Variants in CDR2 observed in about 807,000 individuals in gnomAD.
The protein encoded by CDR2 is cerebellar degeneration-related protein 2.
In CDR2, 34 loss-of-function variants were observed where a neutral mutation model predicts 48.4. The ratio of observed to expected loss-of-function variants is 0.70; its 90% CI spans 0.53 to 0.94. CDR2 has a LOEUF of 0.94. Among genes scored for constraint, CDR2 ranks in the 40% least tolerant of loss-of-function variants. CDR2 has a pLI of 0.00. For missense variants in CDR2, 498 were observed against 549.5 expected, an observed-to-expected ratio of 0.91 and a Z score of 0.94; for synonymous variants, 240 against 219.7, an observed-to-expected ratio of 1.09 and a Z score of -0.82.
Position 22,347,493 on chromosome 16 carries a change from C to T in CDR2, c.837G>A (p.Leu279=). The part of the protein sequence containing the change: ...NGVEKLVPDS[L]YVPFKEPSQS... ...GGCTGGGCTCTTTGAAAGGAACATA[C>T]AGAGAGTCTGGCACCAGCTTCTCAA... Residue 279 remains leucine (L), a synonymous_variant, in exon 5 of 5, where the codon CTG becomes CTA. Coordinates refer to ENST00000268383, the MANE Select transcript of CDR2 (RefSeq NM_001802.2). 2.5e-6 allele frequency: 4 copies of T among 1,614,104 alleles called. No homozygotes were observed. The highest frequency in any genetic ancestry group is 3.4e-6 in the Non-Finnish European group (4 of 1,180,040).
chr16:22,352,145 A>G (rs1021405160), intron 2 of CDR2, among the ~76,000 whole-genome samples: 5 of 152,192 alleles, frequency 3.3e-5, no homozygotes, highest in Admixed American at 6.5e-5. Context: ...CCACGTACTC[A>G]GGAGGCTGAG....
intron 2 of CDR2, among the ~76,000 whole-genome samples, chr16:22,351,524 GA>G (rs912112833): frequency 2.0e-5 from 3 of 149,660 alleles, no homozygotes; most frequent in South Asian, 2.1e-4. Flanking sequence ...TCTTAATTTG[GA>G]AAAAAAAATC....
At chr16:22,373,163 C>A (rs1030532458) in intron 1 of CDR2, among the ~76,000 whole-genome samples, 1 of 152,098 alleles carries the variant, frequency 6.6e-6, no homozygotes, top group Non-Finnish European at 1.5e-5. Context: ...CAGTGTTAGG[C>A]ACATAAAAAG....
At chr16:22,353,447 A>G (rs2141845205) in intron 2 of CDR2, among the ~76,000 whole-genome samples, 1 of 152,336 alleles carries the variant, frequency 6.6e-6, no homozygotes, top group East Asian at 1.9e-4. Flanking sequence ...CAACTACTTC[A>G]TAAGGCTGTA....
At chr16:22,356,745 C>G (rs958001934) in intron 2 of CDR2, among the ~76,000 whole-genome samples, 16 of 151,636 alleles carry the variant, frequency 1.1e-4, no homozygotes, top group African/African-American at 3.6e-4. Flanking sequence ...AAGAGCAAGA[C>G]TTTGTCTAAA....
intron 2 of CDR2, among the ~76,000 whole-genome samples, chr16:22,354,660 G>T (rs1425965528): frequency 2.0e-5 from 3 of 151,950 alleles, no homozygotes; most frequent in African/African-American, 7.3e-5. Flanking sequence ...GGCCAAGGCG[G>T]GTGGATCACT....
chr16:22,359,963 A>G (rs2049000699), intron 2 of CDR2, among the ~76,000 whole-genome samples: 1 of 152,262 alleles, frequency 6.6e-6, no homozygotes, highest in South Asian at 2.1e-4. Context: ...TATGCAGTAG[A>G]ATATTGATAC....
chr16:22,371,937 T>C (rs1254347103), intron 1 of CDR2, among the ~76,000 whole-genome samples: 1 of 151,940 alleles, frequency 6.6e-6, no homozygotes, highest in Non-Finnish European at 1.5e-5. Flanking sequence ...AATAGCACGA[T>C]CTCAGCTCAC....
At position 22,364,983 on chromosome 16, in the gene CDR2, T is replaced by C. The variant is rs751080644; in HGVS notation, c.111A>G (p.Thr37=). ...CCAACTCTGTGTTCCGATCCAGTAA[T>C]GTCTTCCCAAGCTCAGCAGCAAGTT... ...DLQLAAELGK[T]LLDRNTELED... The change falls in exon 2 of 5, where the codon ACA becomes ACG. Residue 37 remains threonine, a synonymous_variant. Coordinates refer to ENST00000268383, the MANE Select transcript of CDR2 (RefSeq NM_001802.2). The C allele has an allele frequency of 2.5e-6, 4 of 1,613,284 alleles. No individual in the cohort carries two copies. Among genetic ancestry groups the C allele is most frequent in the Admixed American group, 1.7e-5 (1 of 59,998 alleles).
In CDR2 at chr16:22,349,818, TG is replaced by T. The variant is rs781339414; in HGVS notation, c.223del (p.Gln75ArgfsTer2). The T allele has an allele frequency of 6.2e-7, 1 of 1,614,186 alleles. No individual in the cohort carries two copies. The highest frequency in any genetic ancestry group is 8.5e-7 in the Non-Finnish European group (1 of 1,179,986). ...AACCTTTGCATGTTGTTCGTTCATCTGCCGTAGAAGTTCCACTTGCTTCGTC... is the reference window on the plus strand; with the variant it reads ...AACCTTTGCATGTTGTTCGTTCATCTCCGTAGAAGTTCCACTTGCTTCGTC... The part of the protein sequence containing the change: ...YLTKQVELLR[Q>X]MNEQHAKVYE... On this transcript the variant is annotated frameshift_variant, in exon 3 of 5. Transcript: ENST00000268383. LOFTEE classifies it high-confidence loss of function.
At chr16:22,367,253 T>C in intron 1 of CDR2, 1 of 152,272 alleles carries the variant, frequency 6.6e-6, no homozygotes, top group Non-Finnish European at 1.5e-5. Flanking sequence ...ATCTCAAACT[T>C]CTGGCCTCAA....
intron 2 of CDR2, among the ~76,000 whole-genome samples, chr16:22,360,287 A>C (rs1259411127): frequency 6.6e-6 from 1 of 152,184 alleles, no homozygotes; most frequent in Non-Finnish European, 1.5e-5. Context: ...AAGTTTTTCA[A>C]ATTAGCACTG....
chr16:22,349,385 C>G lies in CDR2; in HGVS notation c.400G>C (p.Glu134Gln). 6.2e-7 allele frequency: 1 copy of G among 1,614,146 alleles called. No individual in the cohort carries two copies. The highest frequency in any genetic ancestry group is 8.5e-7 in the Non-Finnish European group (1 of 1,180,022). ...CCTTGGCCAGATGACTTCAGCTCCT[C>G]CACTTGGCTCTGGAGGTGATCAATG... ...TNIDHLQSQV[E>Q]ELKSSGQGRR... The change falls in exon 4 of 5, where the codon GAG becomes CAG. Residue 134 changes from glutamate (E) to glutamine (Q), a missense_variant. Coordinates refer to ENST00000268383, the MANE Select transcript of CDR2 (RefSeq NM_001802.2).
chr16:22,364,797 T>TAAA, intron 2 of CDR2, 105 bp downstream of exon 2: 1 of 641,240 alleles, frequency 1.6e-6, no homozygotes. Context: ...TGTTAAAAAA[T>TAAA]AAAATGCTGC....
chr16:22,358,806 C>T (rs1462856678), intron 2 of CDR2, among the ~76,000 whole-genome samples: 1 of 152,048 alleles, frequency 6.6e-6, no homozygotes, highest in African/African-American at 2.4e-5. Flanking sequence ...AAATAGAAAC[C>T]ACCTATAATC....
At chr16:22,349,912 G>A (rs2048931297) in intron 2 of CDR2, 63 bp from the exon 3 acceptor site, 1 of 1,511,936 alleles carries the variant, frequency 6.6e-7, no homozygotes, top group African/African-American at 1.4e-5. Flanking sequence ...TTCTTGGCTG[G>A]CTGCGGTGGC....
At chr16:22,373,660 T>C (rs1401506355) in intron 1 of CDR2, among the ~76,000 whole-genome samples, 1 of 152,264 alleles carries the variant, frequency 6.6e-6, no homozygotes, top group Non-Finnish European at 1.5e-5. Context: ...TCACACTGCG[T>C]GCCTGTATCC....
Position 22,374,285 on chromosome 16 carries a change from C to T in CDR2, c.25G>A (p.Glu9Lys). 1.2e-6 allele frequency: 2 copies of T among 1,602,626 alleles called. No individual in the cohort carries two copies. Among genetic ancestry groups the T allele is most frequent in the South Asian group, 1.1e-5 (1 of 89,606 alleles). ...GGCTCGTCCTCCTTCATCTCAAACT[C>T]CTCTACCAGGTTTTCCGCCAGCATC... MLAENLVE[E>K]FEMKEDEPWY... The change falls in exon 1 of 5, where the codon GAG becomes AAG. Residue 9 changes from glutamate (E) to lysine (K), a missense_variant. Physicochemically the swap from Glu to Lys is moderately conservative, Grantham distance 56. Coordinates refer to ENST00000268383, the MANE Select transcript of CDR2 (RefSeq NM_001802.2).
intron 1 of CDR2, among the ~76,000 whole-genome samples, chr16:22,373,205 A>G (rs1567351871): frequency 6.6e-6 from 1 of 152,212 alleles, no homozygotes; most frequent in Non-Finnish European, 1.5e-5. Context: ...TGCTATTAGT[A>G]TAAGAAAAAC....
Sources: gnomAD v4.1 joint callset for allele counts (sites outside exome capture counted in the v4.1 genomes callset) on GRCh38, gnomAD v4.1.1 for gene constraint, MANE v1.5 for transcripts, NCBI Gene and HGNC (gene_info 2026-07-23, HGNC 2026-07-21) for gene names.